Variants in CCDC192 observed in about 807,000 individuals in gnomAD.
CCDC192 encodes coiled-coil domain-containing protein 192.
intron 2 of CCDC192, among the ~76,000 whole-genome samples, chr5:127,720,316 G>A (rs2126797622): frequency 6.6e-6 from 1 of 152,328 alleles, no homozygotes; most frequent in African/African-American, 2.4e-5. Context: ...ACTCAGCAGG[G>A]AAGTCATTAA....
chr5:127,920,932 C>T (rs1348547393), intron 6 of CCDC192, among the ~76,000 whole-genome samples: 2 of 151,596 alleles, frequency 1.3e-5, no homozygotes, highest in African/African-American at 2.4e-5. Context: ...TGGTGGTGTG[C>T]ACCTGTAGTC....
At chr5:127,806,559 G>A (rs1037759550) in intron 5 of CCDC192, among the ~76,000 whole-genome samples, 7 of 152,074 alleles carry the variant, frequency 4.6e-5, no homozygotes, top group Non-Finnish European at 1.0e-4. Flanking sequence ...TACTTAATAA[G>A]CTTAGACTTC....
intron 2 of CCDC192, among the ~76,000 whole-genome samples, chr5:127,723,518 G>A (rs1752143097): frequency 1.3e-5 from 2 of 152,208 alleles, no homozygotes; most frequent in South Asian, 2.1e-4. Flanking sequence ...TGAAAATGGA[G>A]AGACCATCAA....
chr5:127,797,772 TA>T (rs1561494257), intron 4 of CCDC192, among the ~76,000 whole-genome samples: 66 of 114,244 alleles, frequency 5.8e-4, no homozygotes, highest in African/African-American at 1.2e-3. Flanking sequence ...TATATATATA[TA>T]TATATTTATT....
chr5:127,878,151 T>A (rs1752155741), intron 6 of CCDC192, among the ~76,000 whole-genome samples: 1 of 152,210 alleles, frequency 6.6e-6, no homozygotes, highest in African/African-American at 2.4e-5. Flanking sequence ...AATGGAAATA[T>A]GGCCACAAGC....
chr5:127,926,197 G>C (rs1448769318), intron 6 of CCDC192, among the ~76,000 whole-genome samples: 1 of 152,168 alleles, frequency 6.6e-6, no homozygotes, highest in Non-Finnish European at 1.5e-5. Context: ...TATTGTTACA[G>C]GTGCATACTC....
At chr5:127,886,092 C>T (rs1395030741) in intron 6 of CCDC192, among the ~76,000 whole-genome samples, 1 of 152,136 alleles carries the variant, frequency 6.6e-6, no homozygotes, top group Admixed American at 6.5e-5. Flanking sequence ...TGTTACTGCT[C>T]TTCTGCACGT....
At chr5:127,806,903 G>C (rs944910852) in intron 5 of CCDC192, among the ~76,000 whole-genome samples, 3 of 152,180 alleles carry the variant, frequency 2.0e-5, no homozygotes, top group African/African-American at 7.2e-5. Flanking sequence ...TGCGAATCAT[G>C]AGGGGTTTTA....
chr5:127,843,772 A>G (rs1324479813), intron 5 of CCDC192, among the ~76,000 whole-genome samples: 1 of 152,176 alleles, frequency 6.6e-6, no homozygotes. Context: ...AGAGGCAAGA[A>G]ATACATTACC....
At chr5:127,719,917 A>G (rs1751921213) in intron 2 of CCDC192, among the ~76,000 whole-genome samples, 1 of 151,382 alleles carries the variant, frequency 6.6e-6, no homozygotes, top group East Asian at 1.9e-4. Context: ...GGGGATGTCC[A>G]CCCCCCGATC....
Position 127,800,376 on chromosome 5 carries a change from G to GAAAAAA in CCDC192, c.411+2234_411+2239dup, listed in dbSNP as rs1168212422. ...TCCATAGGATGCTAAGAGGTATTCT[G>GAAAAAA]AAAAAAAAAAAAAAAAAAAAAAAAA... On this transcript the variant is annotated intron_variant, in intron 5 of 6. Transcript: ENST00000514853. Among the ~76,000 whole-genome samples the GAAAAAA allele has an allele frequency of 6.9e-3, 134 of 19,458 alleles. 2 individuals carry two copies. The highest frequency in any genetic ancestry group is 0.018 in the African/African-American group (75 of 4,222). 12.8% of individuals were successfully genotyped at this position (19,458 alleles called of 152,430 possible).
chr5:127,766,817 G>A (rs1580622632), intron 3 of CCDC192, among the ~76,000 whole-genome samples: 2 of 152,024 alleles, frequency 1.3e-5, no homozygotes, highest in South Asian at 4.2e-4. Context: ...GTTTTCTTTG[G>A]AACCCACACA....
chr5:127,721,029 CT>C (rs1751990634), intron 2 of CCDC192, among the ~76,000 whole-genome samples: 1 of 152,192 alleles, frequency 6.6e-6, no homozygotes, highest in South Asian at 2.1e-4. Context: ...TCTTCGAGGT[CT>C]TTCCCCATTA....
At chr5:127,877,523 C>T (rs374913485) in intron 6 of CCDC192, among the ~76,000 whole-genome samples, 7 of 152,104 alleles carry the variant, frequency 4.6e-5, no homozygotes, top group Admixed American at 2.6e-4. Context: ...CTAAGTCAGT[C>T]GACTGACATC....
chr5:127,924,672 T>C (rs985491202), intron 6 of CCDC192, among the ~76,000 whole-genome samples: 2 of 152,146 alleles, frequency 1.3e-5, no homozygotes, highest in African/African-American at 4.8e-5. Context: ...AGAGGCAGGA[T>C]GGAGTGATGT....
intron 6 of CCDC192, among the ~76,000 whole-genome samples, chr5:127,921,067 C>A (rs1231933636): frequency 1.0e-5 from 1 of 100,022 alleles, no homozygotes; most frequent in Non-Finnish European, 1.9e-5. Flanking sequence ...AAGGAGGAAG[C>A]AGGAAAGGAG....
chr5:127,903,900 G>C (rs1753127024), intron 6 of CCDC192, among the ~76,000 whole-genome samples: 2 of 152,182 alleles, frequency 1.3e-5, no homozygotes, highest in South Asian at 4.1e-4. Context: ...ATGACAAAAA[G>C]TGGCTGTTAC....
At chr5:127,719,534 C>CATACAT (rs1561444958) in intron 2 of CCDC192, among the ~76,000 whole-genome samples, 2 of 42,268 alleles carry the variant, frequency 4.7e-5, no homozygotes, top group African/African-American at 1.7e-4. Context: ...TACACACATA[C>CATACAT]ATATATATAT....
intron 6 of CCDC192, among the ~76,000 whole-genome samples, chr5:127,896,911 A>G (rs992954411): frequency 6.6e-6 from 1 of 152,248 alleles, no homozygotes; most frequent in African/African-American, 2.4e-5. Context: ...TATCTCCTAC[A>G]GACTCTACTG....
Sources: allele counts gnomAD v4.1 joint callset (sites outside exome capture counted in the v4.1 genomes callset), GRCh38; gene constraint gnomAD v4.1.1; transcripts MANE v1.5; gene names NCBI Gene and HGNC (gene_info 2026-07-23, HGNC 2026-07-21).